RBFOX1: variants seen among roughly 807,000 people sequenced by gnomAD.
The protein encoded by RBFOX1 is RNA binding protein fox-1 homolog 1.
In RBFOX1, 8 loss-of-function variants were observed where a neutral mutation model predicts 57.7. The ratio of observed to expected loss-of-function variants is 0.14; its 90% CI spans 0.08 to 0.25. The LOEUF is 0.25. RBFOX1 is among the 10% of genes least tolerant of loss of function. RBFOX1 has a pLI of 1.00. For missense variants in RBFOX1, 611 were observed against 548.5 expected, an observed-to-expected ratio of 1.11 and a Z score of -1.14; for synonymous variants, 326 against 222.4, an observed-to-expected ratio of 1.47 and a Z score of -4.15.
intron 3 of RBFOX1, among the ~76,000 whole-genome samples, chr16:6,994,695 G>A (rs1020933531): frequency 5.3e-5 from 8 of 152,142 alleles, no homozygotes; most frequent in Non-Finnish European, 1.2e-4. Context: ...AAGGATCCTG[G>A]TTGTATTCTG....
At chr16:6,455,804 G>T (rs1679101363) in intron 2 of RBFOX1, among the ~76,000 whole-genome samples, 1 of 152,100 alleles carries the variant, frequency 6.6e-6, no homozygotes, top group African/African-American at 2.4e-5. Flanking sequence ...TCCAAAAAGG[G>T]TTTTAGATGG....
At chr16:6,729,910 C>A (rs376228880) in intron 3 of RBFOX1, among the ~76,000 whole-genome samples, 1 of 152,032 alleles carries the variant, frequency 6.6e-6, no homozygotes, top group African/African-American at 2.4e-5. Context: ...ACATGTAAAA[C>A]TTGTACAGGA....
At chr16:5,422,640 G>C (rs1224569781) in intron 1 of RBFOX1, among the ~76,000 whole-genome samples, 1 of 117,012 alleles carries the variant, frequency 8.5e-6, no homozygotes, top group Non-Finnish European at 1.8e-5. Flanking sequence ...GGAGGAGGGA[G>C]AAGGATTGGG....
At chr16:5,969,759 C>G (rs1450632535) in intron 4 of RBFOX1, among the ~76,000 whole-genome samples, 1 of 152,064 alleles carries the variant, frequency 6.6e-6, no homozygotes, top group Non-Finnish European at 1.5e-5. Context: ...TCTGCGATGT[C>G]TGTCCCCTCC....
intron 2 of RBFOX1, among the ~76,000 whole-genome samples, chr16:6,623,862 G>T (rs1385061120): frequency 6.6e-6 from 1 of 152,156 alleles, no homozygotes; most frequent in Non-Finnish European, 1.5e-5. Flanking sequence ...CATTTGGGTT[G>T]GTTCCAAGTC....
chr16:6,184,244 G>T (rs538932493), intron 1 of RBFOX1, among the ~76,000 whole-genome samples: 1 of 152,138 alleles, frequency 6.6e-6, no homozygotes, highest in Non-Finnish European at 1.5e-5. Context: ...ATGAGATTTG[G>T]GTGGGGACAC....
At chr16:5,712,225 G>T (rs2051516604) in intron 3 of RBFOX1, among the ~76,000 whole-genome samples, 1 of 152,170 alleles carries the variant, frequency 6.6e-6, no homozygotes, top group Admixed American at 6.5e-5. Flanking sequence ...AACACCTGGG[G>T]ATTACCATTT....
chr16:6,258,651 A>T (rs1394686445), intron 1 of RBFOX1, among the ~76,000 whole-genome samples: 1 of 152,156 alleles, frequency 6.6e-6, no homozygotes, highest in African/African-American at 2.4e-5. Flanking sequence ...TATTTTCTGC[A>T]TTTCACTTTT....
chr16:6,143,646 T>C (rs1208629439), intron 1 of RBFOX1, among the ~76,000 whole-genome samples: 1 of 152,186 alleles, frequency 6.6e-6, no homozygotes, highest in Non-Finnish European at 1.5e-5. Flanking sequence ...TTATATCATA[T>C]GAACAATTGT....
chr16:6,614,979 C>T (rs556352707), intron 2 of RBFOX1, among the ~76,000 whole-genome samples: 7 of 152,138 alleles, frequency 4.6e-5, no homozygotes, highest in Non-Finnish European at 1.0e-4. Flanking sequence ...ATCCCAATTA[C>T]CAGTCGAATT....
At chr16:5,254,270 A>G (rs2062528161) in intron 1 of RBFOX1, among the ~76,000 whole-genome samples, 1 of 152,228 alleles carries the variant, frequency 6.6e-6, no homozygotes. Flanking sequence ...CCACTTCACC[A>G]TGGTTCTTCT....
At chr16:7,298,711 A>C (rs13380448) in intron 4 of RBFOX1, among the ~76,000 whole-genome samples, 7,788 of 152,322 alleles carry the variant, frequency 0.051, 268 homozygotes, top group South Asian at 0.15. Context: ...GTATTCCTAC[A>C]ATAAACTAAG....
At chr16:6,885,817 C>A (rs1413628601) in intron 3 of RBFOX1, among the ~76,000 whole-genome samples, 1 of 152,216 alleles carries the variant, frequency 6.6e-6, no homozygotes, top group East Asian at 1.9e-4. Flanking sequence ...GGGCATGAAT[C>A]ACTGCACCCG....
intron 3 of RBFOX1, among the ~76,000 whole-genome samples, chr16:6,967,077 A>G (rs1304645772): frequency 2.0e-5 from 3 of 152,100 alleles, no homozygotes; most frequent in Non-Finnish European, 4.4e-5. Flanking sequence ...CTATACATTC[A>G]TCCACCCATC....
intron 4 of RBFOX1, among the ~76,000 whole-genome samples, chr16:7,495,526 A>G (rs2068332825): frequency 6.6e-6 from 1 of 152,132 alleles, no homozygotes; most frequent in Non-Finnish European, 1.5e-5. Context: ...CTGGTGCGAG[A>G]TGGTATCTCA....
intron 4 of RBFOX1, among the ~76,000 whole-genome samples, chr16:7,057,151 A>G (rs1009467630): frequency 2.6e-5 from 4 of 152,168 alleles, no homozygotes; most frequent in Non-Finnish European, 5.9e-5. Flanking sequence ...AATACAGAGA[A>G]CACATATCTA....
chr16:6,871,339 T>C (rs2060840399), intron 3 of RBFOX1, among the ~76,000 whole-genome samples: 1 of 152,078 alleles, frequency 6.6e-6, no homozygotes, highest in African/African-American at 2.4e-5. Context: ...GCATGTGCCA[T>C]CACGCCTGGC....
intron 4 of RBFOX1, among the ~76,000 whole-genome samples, chr16:7,301,725 C>A (rs188504563): frequency 1.3e-5 from 2 of 152,028 alleles, no homozygotes; most frequent in South Asian, 2.1e-4. Context: ...TATTTACAGG[C>A]TTTTCTAATG....
At chr16:6,429,875 G>C (rs773188420) in intron 2 of RBFOX1, among the ~76,000 whole-genome samples, 3 of 152,100 alleles carry the variant, frequency 2.0e-5, no homozygotes, top group Non-Finnish European at 1.5e-5. Context: ...TTGGGAGGCC[G>C]AGGTGGGTGA....
Sources: allele counts gnomAD v4.1 joint callset (sites outside exome capture counted in the v4.1 genomes callset), GRCh38; gene constraint gnomAD v4.1.1; transcripts MANE v1.5; gene names NCBI Gene and HGNC (gene_info 2026-07-23, HGNC 2026-07-21).